PEMT: variants seen among roughly 807,000 people sequenced by gnomAD.
PEMT encodes phospholipid methyltransferase.
A neutral mutation model predicts 27.4 loss-of-function variants in PEMT; 23 were observed. The ratio of observed to expected loss-of-function variants is 0.84; its 90% CI spans 0.60 to 1.19. PEMT has a LOEUF of 1.19. Ranked by LOEUF, PEMT falls within the 50% of genes most tolerant of loss-of-function variation. The pLI, the probability that PEMT is intolerant of heterozygous loss-of-function variation, is 0.00. For synonymous variants in PEMT, 137 were observed against 139.1 expected, an observed-to-expected ratio of 0.98 and a Z score of 0.11; for missense variants, 307 against 310.1, an observed-to-expected ratio of 0.99 and a Z score of 0.07.
At chr17:17,556,382 T>A (rs1023158246) in intron 2 of PEMT, among the ~76,000 whole-genome samples, 1 of 151,766 alleles carries the variant, frequency 6.6e-6, no homozygotes, top group African/African-American at 2.4e-5. Flanking sequence ...CTCTCACTTT[T>A]TTTTTTTTTT....
intron 1 of PEMT, chr17:17,577,585 T>C: frequency 6.8e-6 from 6 of 876,816 alleles, no homozygotes; most frequent in Non-Finnish European, 8.2e-6. Flanking sequence ...ACGTGGACAC[T>C]GCCCCCGCCC....
chr17:17,554,111 C>G (rs775587147), intron 2 of PEMT, among the ~76,000 whole-genome samples: 1 of 152,248 alleles, frequency 6.6e-6, no homozygotes, highest in South Asian at 2.1e-4. Context: ...ATCCTGCAGC[C>G]AACAGCAACC....
At chr17:17,566,745 T>C (rs901579155) in intron 2 of PEMT, among the ~76,000 whole-genome samples, 1 of 152,042 alleles carries the variant, frequency 6.6e-6, no homozygotes, top group African/African-American at 2.4e-5. Context: ...CTCTGGGAGA[T>C]AAGTTTCAGG....
chr17:17,507,098 C>A, intron 5 of PEMT: 1 of 1,464,406 alleles, frequency 6.8e-7, no homozygotes, highest in Non-Finnish European at 9.4e-7. Context: ...CCAAGGAGCC[C>A]GGGCGCAGCT....
At position 17,591,578 on chromosome 17, in the gene PEMT, C is replaced by T. The variant is rs1403464441; in HGVS notation, c.49G>A (p.Ala17Thr). The T allele has an allele frequency of 1.2e-6, 2 of 1,613,692 alleles. No homozygotes were observed. The highest frequency in any genetic ancestry group is 1.7e-6 in the Non-Finnish European group (2 of 1,179,840). ...PGAEVTNSSV[A>T]GPDCCGGLGN... ...AGGCCTCCGCAGCAGTCAGGCCCTG[C>T]CACCGAGCTGTTCGTTACCTCGGCT... The change falls in exon 1 of 7, where the codon GCA becomes ACA. Residue 17 changes from alanine (A) to threonine (T), a missense_variant. By Grantham distance (58) the Ala-to-Thr change is moderately conservative (BLOSUM62 0). Transcript: ENST00000255389.
intron 6 of PEMT, 36 bp from the exon 7 acceptor site, chr17:17,505,884 T>A: frequency 6.3e-7 from 1 of 1,590,504 alleles, no homozygotes; most frequent in South Asian, 1.1e-5. Context: ...GGTCAGCAGG[T>A]CCTGGGGGTG....
intron 2 of PEMT, among the ~76,000 whole-genome samples, chr17:17,526,771 T>A (rs59387776): frequency 0.082 from 12,520 of 152,290 alleles, 775 homozygotes; most frequent in African/African-American, 0.17. Flanking sequence ...GCCCAAGATG[T>A]GTTCTGGTCA....
At chr17:17,562,173 C>T (rs1299378675) in intron 2 of PEMT, among the ~76,000 whole-genome samples, 1 of 152,272 alleles carries the variant, frequency 6.6e-6, no homozygotes, top group Non-Finnish European at 1.5e-5. Flanking sequence ...GGGACCAGCT[C>T]TGCACACACG....
intron 3 of PEMT, among the ~76,000 whole-genome samples, chr17:17,520,294 C>A (rs1174501378): frequency 6.6e-6 from 1 of 152,178 alleles, no homozygotes; most frequent in Non-Finnish European, 1.5e-5. Context: ...AGGAAAGAGG[C>A]CCATCTCCCG....
chr17:17,536,970 C>T (rs1272641458), intron 2 of PEMT, among the ~76,000 whole-genome samples: 5 of 152,334 alleles, frequency 3.3e-5, no homozygotes, highest in East Asian at 1.9e-4. Flanking sequence ...TCAGGGAGTG[C>T]GGGGTCTCCC....
intron 5 of PEMT, among the ~76,000 whole-genome samples, chr17:17,506,602 G>C (rs1403996857): frequency 6.6e-6 from 1 of 152,274 alleles, no homozygotes; most frequent in Non-Finnish European, 1.5e-5. Flanking sequence ...CCAGCCCAGA[G>C]CTGGGAACGC....
chr17:17,527,288 C>G, intron 2 of PEMT, among the ~76,000 whole-genome samples: 1 of 152,318 alleles, frequency 6.6e-6, no homozygotes, highest in South Asian at 2.1e-4. Flanking sequence ...CCGCCCGCCT[C>G]GGCCTCTCAA....
intron 2 of PEMT, among the ~76,000 whole-genome samples, chr17:17,564,090 C>T (rs1189801176): frequency 6.6e-6 from 1 of 152,180 alleles, no homozygotes; most frequent in African/African-American, 2.4e-5. Flanking sequence ...AGCAATCCCA[C>T]CAGCCCCAGG....
chr17:17,585,522 C>T (rs552675491), intron 1 of PEMT, among the ~76,000 whole-genome samples: 1 of 152,288 alleles, frequency 6.6e-6, no homozygotes, highest in South Asian at 2.1e-4. Flanking sequence ...CAAGTCTGCC[C>T]AGAAAGCTCA....
At chr17:17,542,816 G>A (rs962051800) in intron 2 of PEMT, among the ~76,000 whole-genome samples, 5 of 152,202 alleles carry the variant, frequency 3.3e-5, no homozygotes, top group African/African-American at 4.8e-5. Context: ...GGACTGGGCC[G>A]CCCCCTCCTT....
At chr17:17,574,353 T>C (rs1341903980) in intron 2 of PEMT, among the ~76,000 whole-genome samples, 3 of 134,682 alleles carry the variant, frequency 2.2e-5, no homozygotes, top group South Asian at 2.4e-4. Context: ...AGAGTCTCAC[T>C]CTGTTACCCA....
intron 2 of PEMT, among the ~76,000 whole-genome samples, chr17:17,556,247 C>A (rs932718365): frequency 2.6e-4 from 40 of 152,260 alleles, no homozygotes; most frequent in African/African-American, 8.9e-4. Context: ...TGCGAGGCAG[C>A]TGTCATTGGG....
rs557607736 is a variant in PEMT, at chr17:17,550,225, C to G, written c.204+26695G>C. Among the ~76,000 whole-genome samples, 155 of 152,356 alleles carry G rather than the reference C, an allele frequency of 1.0e-3. 1 individual carries two copies. Among genetic ancestry groups the G allele is most frequent in the African/African-American group, 3.7e-3 (152 of 41,584 alleles). ...TGAGGACACAGACGTTCGTGGTTCT[C>G]TGTCACCCAAAGGGAGGGACAGGAC... is the stretch of plus-strand genomic sequence containing the variant. On this transcript the variant is annotated intron_variant, in intron 2 of 6. Transcript: ENST00000255389.
chr17:17,570,970 C>T lies in PEMT; in HGVS notation c.204+5950G>A. On this transcript the variant is annotated intron_variant, in intron 2 of 6. Coordinates refer to ENST00000255389, the MANE Select transcript of PEMT (RefSeq NM_148172.3). ...TTGGGGAGGTCTTGGCAGGGGCTCC[C>T]TTTGGAGACTGGAGACTCCCACGTA... The T allele has an allele frequency of 4.2e-6, 4 of 951,856 alleles. No individual in the cohort carries two copies. The South Asian group carries it at 1.9e-4, about 46-fold the overall frequency. The allele number at this position is 951,856 out of a possible 1,614,324, so 59.0% of individuals were successfully genotyped here.
Sources: gnomAD v4.1 joint callset for allele counts (sites outside exome capture counted in the v4.1 genomes callset) on GRCh38, gnomAD v4.1.1 for gene constraint, MANE v1.5 for transcripts, NCBI Gene and HGNC (gene_info 2026-07-23, HGNC 2026-07-21) for gene names.